The following ALK variants were observed in gnomAD, a reference collection of about 807,000 sequenced individuals.
ALK encodes the protein ALK tyrosine kinase receptor.
A neutral mutation model predicts 163.1 loss-of-function variants in ALK; 74 were observed. That is an observed-to-expected ratio of 0.45 (90% confidence interval 0.38 to 0.55). ALK has a LOEUF of 0.55. Among genes scored for constraint, ALK ranks in the 20% least tolerant of loss-of-function variants. The pLI is 0.00. For missense variants in ALK, 2,063 were observed against 2,105.3 expected, an observed-to-expected ratio of 0.98 and a Z score of 0.39; for synonymous variants, 960 against 843.2, an observed-to-expected ratio of 1.14 and a Z score of -2.40.
chr2:29,360,887 G>A (rs575124909), intron 5 of ALK, among the ~76,000 whole-genome samples: 27 of 152,310 alleles, frequency 1.8e-4, no homozygotes, highest in Admixed American at 7.2e-4. Flanking sequence ...TAAGAATGGG[G>A]TATTTCTCTA....
At chr2:29,215,277 G>A (rs981144607) in intron 23 of ALK, among the ~76,000 whole-genome samples, 1 of 152,198 alleles carries the variant, frequency 6.6e-6, no homozygotes, top group Non-Finnish European at 1.5e-5. Flanking sequence ...GTGGGGTCTG[G>A]GTGCAGGCTT....
intron 5 of ALK, among the ~76,000 whole-genome samples, chr2:29,377,909 C>A (rs1240974779): frequency 6.6e-6 from 1 of 152,148 alleles, no homozygotes; most frequent in Non-Finnish European, 1.5e-5. Context: ...GAATCAGAAG[C>A]AATGTGTATG....
At chr2:29,844,961 C>T (rs1201608394) in intron 1 of ALK, among the ~76,000 whole-genome samples, 1 of 152,062 alleles carries the variant, frequency 6.6e-6, no homozygotes, top group African/African-American at 2.4e-5. Context: ...GACCTCAACT[C>T]TTTGAGAAGC....
At chr2:29,440,027 T>A (rs1412406452) in intron 4 of ALK, among the ~76,000 whole-genome samples, 3 of 151,588 alleles carry the variant, frequency 2.0e-5, no homozygotes, top group Non-Finnish European at 4.4e-5. Context: ...AGATCAGGAG[T>A]TCGAGACCAG....
intron 1 of ALK, among the ~76,000 whole-genome samples, chr2:29,732,001 G>A (rs551705672): frequency 2.2e-4 from 34 of 152,246 alleles, no homozygotes; most frequent in Admixed American, 1.8e-3. Flanking sequence ...CCTGGGCCTC[G>A]CACACTGGGT....
chr2:29,698,525 C>G (rs1488478926), intron 2 of ALK, among the ~76,000 whole-genome samples: 1 of 152,216 alleles, frequency 6.6e-6, no homozygotes, highest in Non-Finnish European at 1.5e-5. Flanking sequence ...TGATTTTTCT[C>G]TTCCAATGAA....
chr2:29,707,775 T>C (rs2631969), intron 2 of ALK, among the ~76,000 whole-genome samples: 132,610 of 152,202 alleles, frequency 0.87, 57,989 homozygotes, highest in African/African-American at 0.93. Context: ...AATGGAGCCA[T>C]GCCACCAAAA....
rs774860532 is a variant in ALK, at chr2:29,193,464, G to A, written c.4623C>T (p.Val1541=). ...GNLGLEGSCT[V]PPNVATGRLP... is the part of the protein sequence containing the mutation. ...GTCTCCCAGTTGCAACGTTAGGTGGGACAGTACAGCTTCCCTCCAGCCCCA... is the reference window on the plus strand; with the variant it reads ...GTCTCCCAGTTGCAACGTTAGGTGGAACAGTACAGCTTCCCTCCAGCCCCA... The change falls in exon 29 of 29, where the codon GTC becomes GTT. Residue 1541 remains valine (V), a synonymous_variant. Transcript: ENST00000389048. The A allele has an allele frequency of 3.1e-6, 5 of 1,614,170 alleles. No homozygotes were observed. The highest frequency in any genetic ancestry group is 4.2e-6 in the Non-Finnish European group (5 of 1,180,030).
chr2:29,838,021 A>T (rs1384830608), intron 1 of ALK, among the ~76,000 whole-genome samples: 4 of 152,186 alleles, frequency 2.6e-5, no homozygotes, highest in Non-Finnish European at 2.9e-5. Flanking sequence ...TAAGCAAAAA[A>T]ATTTTAAAAA....
rs183192685 is a variant in ALK at position 29,452,911 on chromosome 2, C to A, written c.1155-69052G>T. Among the ~76,000 whole-genome samples the A allele has an allele frequency of 5.0e-3, 754 of 152,284 alleles. 4 individuals are homozygous for A. The highest frequency in any genetic ancestry group is 0.014 in the Middle Eastern group (4 of 294). The stretch of plus-strand genomic sequence containing the variant: ...ACGTTGTACCAAATACCTGGCGATT[C>A]TATTCAGAAGTGTCAAGGTCATGAA... On this transcript the variant is annotated intron_variant, in intron 4 of 28. Transcript: ENST00000389048.
At chr2:29,384,008 G>A in intron 4 of ALK, 149 bp from the exon 5 acceptor site, 1 of 949,672 alleles carries the variant, frequency 1.1e-6, no homozygotes, top group South Asian at 1.4e-5. Flanking sequence ...GTGGCACTGA[G>A]GACAGTGATT....
At chr2:29,850,249 C>G (rs1306506327) in intron 1 of ALK, among the ~76,000 whole-genome samples, 1 of 152,164 alleles carries the variant, frequency 6.6e-6, no homozygotes, top group Non-Finnish European at 1.5e-5. Flanking sequence ...AGACAAAAAG[C>G]AGCAAGTTAG....
chr2:29,670,714 C>T (rs1481397959), intron 3 of ALK, among the ~76,000 whole-genome samples: 2 of 152,040 alleles, frequency 1.3e-5, no homozygotes, highest in South Asian at 2.1e-4. Context: ...TTTTCTTTGA[C>T]TGTGTATTTT....
intron 4 of ALK, among the ~76,000 whole-genome samples, chr2:29,517,480 T>C (rs537065784): frequency 6.6e-6 from 1 of 152,166 alleles, no homozygotes; most frequent in African/African-American, 2.4e-5. Context: ...TATGAGGACG[T>C]CCAGATTTCT....
At position 29,207,272 on chromosome 2, in the gene ALK, C is replaced by T. The variant is rs762572144; in HGVS notation, c.3837G>A (p.Arg1279=). 1 of 1,613,824 alleles carries T rather than the reference C, an allele frequency of 6.2e-7. No homozygotes were observed. Among genetic ancestry groups the T allele is most frequent in the South Asian group, 1.1e-5 (1 of 91,068 alleles). The change falls in exon 26 of 29, where the codon AGG becomes AGA. Residue 1279 remains arginine (R), a splice_region_variant and synonymous_variant. Transcript: ENST00000389048. ...GDFGMARDIY[R]ASYYRKGGCA... ...AGCCTCCCTTTCTATAGTAGCTCGC[C>T]CTGTGGGGAAGGAGAGGAAAACCAA...
chr2:29,886,311 A>T (rs1466054204), intron 1 of ALK, among the ~76,000 whole-genome samples: 1 of 152,226 alleles, frequency 6.6e-6, no homozygotes, highest in Non-Finnish European at 1.5e-5. Context: ...TTGGGAAGTC[A>T]AATGTTCTAC....
At chr2:29,478,366 C>G (rs1183686228) in intron 4 of ALK, among the ~76,000 whole-genome samples, 1 of 152,260 alleles carries the variant, frequency 6.6e-6, no homozygotes, top group African/African-American at 2.4e-5. Flanking sequence ...CCAGAACAGC[C>G]TTCACATCTA....
In ALK at chr2:29,499,511, G is replaced by A. The variant is rs192914528; in HGVS notation, c.1154+32404C>T. ...GCACCCGGCTCCTAGGGTCTTCTAC[G>A]TTCAGGTTGAGGGCTGACTAGTTTT... On this transcript the variant is annotated intron_variant, in intron 4 of 28. Coordinates refer to ENST00000389048, the MANE Select transcript of ALK (RefSeq NM_004304.5). Among the ~76,000 whole-genome samples the A allele has an allele frequency of 6.6e-4, 101 of 152,126 alleles. No homozygotes were observed. The Middle Eastern group carries it at 0.01, about 15-fold the overall frequency.
chr2:29,719,387 G>C (rs2148308866), intron 1 of ALK, among the ~76,000 whole-genome samples: 1 of 152,328 alleles, frequency 6.6e-6, no homozygotes, highest in East Asian at 1.9e-4. Flanking sequence ...GTCTGTGTTT[G>C]TGAGTTGCAG....
Sources: allele counts gnomAD v4.1 joint callset (sites outside exome capture counted in the v4.1 genomes callset), GRCh38; gene constraint gnomAD v4.1.1; transcripts MANE v1.5; gene names NCBI Gene and HGNC (gene_info 2026-07-23, HGNC 2026-07-21).